Variants in SEMA5B observed in about 807,000 individuals in gnomAD.
SEMA5B encodes the protein semaphorin 5B.
A neutral mutation model predicts 135.0 loss-of-function variants in SEMA5B; 66 were observed. The observed-to-expected ratio is 0.49, with a 90% CI of 0.40 to 0.60. The LOEUF (loss-of-function observed/expected upper bound fraction) is 0.60. Ranked by LOEUF, SEMA5B falls within the 20% of genes least tolerant of loss-of-function variation. The probability of loss-of-function intolerance (pLI) is 0.00; values close to 1 mark genes in which losing one functional copy is unlikely to be tolerated. For synonymous variants in SEMA5B, 690 were observed against 639.5 expected (o/e 1.08, Z -1.19); for missense variants, 1,501 against 1,566.3 (o/e 0.96, Z 0.70).
At chr3:122,950,779 G>A (rs750501706) in intron 2 of SEMA5B, among the ~76,000 whole-genome samples, 2 of 152,186 alleles carry the variant, frequency 1.3e-5, no homozygotes, top group Non-Finnish European at 2.9e-5. Flanking sequence ...AGTGACTTAC[G>A]AATGAGATTG....
At chr3:122,996,583 G>C (rs1054247937) in intron 1 of SEMA5B, among the ~76,000 whole-genome samples, 1 of 152,204 alleles carries the variant, frequency 6.6e-6, no homozygotes, top group Admixed American at 6.5e-5. Flanking sequence ...GTCTTGGTTT[G>C]GGGCTTTCCA....
At chr3:122,933,667 T>A (rs919749600) in intron 5 of SEMA5B, among the ~76,000 whole-genome samples, 3 of 152,162 alleles carry the variant, frequency 2.0e-5, no homozygotes, top group Non-Finnish European at 4.4e-5. Context: ...TTGGAACTCT[T>A]AATATTCCAA....
chr3:122,994,426 A>G (rs767636625), intron 1 of SEMA5B, among the ~76,000 whole-genome samples: 4 of 152,208 alleles, frequency 2.6e-5, no homozygotes, highest in Admixed American at 6.5e-5. Flanking sequence ...CAACGAGTAC[A>G]AAAGTGATTA....
chr3:122,960,885 G>T (rs1940542094), intron 2 of SEMA5B, among the ~76,000 whole-genome samples: 1 of 152,316 alleles, frequency 6.6e-6, no homozygotes, highest in South Asian at 2.1e-4. Context: ...TTCTGGAGAT[G>T]GAGGGTGGTG....
Position 122,997,379 on chromosome 3 carries a change from A to G in SEMA5B, c.-39+30085T>C, listed in dbSNP as rs150314108. ...CCTATCCTTCTTGCATCTCCTCTCAATCCCTCCTCTGCCCCTCTCCAGAAG... is the reference window on the plus strand; with the variant it reads ...CCTATCCTTCTTGCATCTCCTCTCAGTCCCTCCTCTGCCCCTCTCCAGAAG... On this transcript the variant is annotated intron_variant, in intron 1 of 22. Coordinates refer to ENST00000357599, the MANE Select transcript of SEMA5B (RefSeq NM_001031702.4). 6.8e-4 allele frequency among the ~76,000 whole-genome samples: 103 copies of G among 151,094 alleles called. No individual in the cohort carries two copies. The East Asian group carries it at 0.02, about 29-fold the overall frequency.
In SEMA5B at chr3:122,910,161, C is replaced by T. The variant is rs1937617286; in HGVS notation, c.3438G>A (p.Arg1146=). Residue 1146 remains arginine, a synonymous_variant, in exon 23 of 23, where the codon CGG becomes CGA. Coordinates refer to ENST00000357599, the MANE Select transcript of SEMA5B (RefSeq NM_001031702.4). ...GGCGGTATCAGCTGTTGGGGAAGCA[C>T]CGTTGTCCAGGTGAGGCCTCGGGCC... ...SFRPEASPGQ[R]CFPNS 5.6e-6 allele frequency: 9 copies of T among 1,614,150 alleles called. No individual in the cohort carries two copies. The Admixed American group carries it at 1.0e-4, about 18-fold the overall frequency.
rs111407084 is a variant in SEMA5B at position 122,961,464 on chromosome 3, CT to C, written c.-38-164del. Among the ~76,000 whole-genome samples the C allele has an allele frequency of 7.4e-3, 1,070 of 144,762 alleles. 6 individuals are homozygous for C. Among genetic ancestry groups the C allele is most frequent in the Middle Eastern group, 0.022 (6 of 276 alleles). 95.0% of individuals were successfully genotyped at this position (144,762 alleles called of 152,430 possible). ...CACCACAGTAATGGCTTGAAACAAA[CT>C]TTTTTTTTTTTTTAGGCGGGGTCTT... On this transcript the variant is annotated intron_variant, in intron 1 of 22. Coordinates refer to ENST00000357599, the MANE Select transcript of SEMA5B (RefSeq NM_001031702.4).
At chr3:123,008,337 G>C (rs2107784135) in intron 1 of SEMA5B, among the ~76,000 whole-genome samples, 1 of 152,270 alleles carries the variant, frequency 6.6e-6, no homozygotes, top group South Asian at 2.1e-4. Context: ...AACTCCATGG[G>C]GACAGGGTTC....
intron 1 of SEMA5B, among the ~76,000 whole-genome samples, chr3:122,989,370 C>T (rs143436383): frequency 2.1e-4 from 32 of 152,296 alleles, no homozygotes; most frequent in African/African-American, 7.2e-4. Flanking sequence ...GTCCCAAGTG[C>T]AGAGCTGCAC....
intron 2 of SEMA5B, among the ~76,000 whole-genome samples, 159 bp downstream of exon 2, chr3:122,960,980 TA>T (rs1430730087): frequency 6.6e-6 from 1 of 152,172 alleles, no homozygotes; most frequent in African/African-American, 2.4e-5. Flanking sequence ...ATGTTATATA[TA>T]TGTTACCACA....
In SEMA5B at chr3:122,922,100, C is replaced by A; in HGVS notation, c.1503G>T (p.Ala501=). ...GGAGGCTGCGGCTCGCCGTGGACAG[C>A]GCCTTCAGGATGGTGCCCGACTCTG... ...IGTESGTILK[A]LSTASRSLHG... is the part of the protein sequence containing the mutation. The change falls in exon 12 of 23, where the codon GCG becomes GCT. Residue 501 remains alanine (A), a synonymous_variant. Transcript: ENST00000357599. 6.7e-7 allele frequency: 1 copy of A among 1,497,628 alleles called. No individual in the cohort carries two copies. 92.8% of individuals were successfully genotyped at this position (1,497,628 alleles called of 1,614,324 possible).
In SEMA5B at chr3:122,911,620, C is replaced by T. The variant is rs181866943; in HGVS notation, c.3047-85G>A. On this transcript the variant is annotated intron_variant, in intron 20 of 22. Coordinates refer to ENST00000357599, the MANE Select transcript of SEMA5B (RefSeq NM_001031702.4). Reference sequence around the variant, plus strand: ...AGGGTAGGCGTAAGCCTGGGAGGACCTCTAGGTCAACGCTCAGACGTAGGA... The same window carrying T: ...AGGGTAGGCGTAAGCCTGGGAGGACTTCTAGGTCAACGCTCAGACGTAGGA... The T allele has an allele frequency of 6.1e-4, 853 of 1,397,342 alleles. 1 individual carries two copies. The highest frequency in any genetic ancestry group is 7.6e-4 in the Admixed American group (36 of 47,380). 86.6% of individuals were successfully genotyped at this position (1,397,342 alleles called of 1,614,324 possible).
chr3:122,912,499 C>A (rs1043237086), intron 18 of SEMA5B, among the ~76,000 whole-genome samples, 157 bp from the exon 19 acceptor site: 1 of 152,142 alleles, frequency 6.6e-6, no homozygotes, highest in Non-Finnish European at 1.5e-5. Flanking sequence ...TTAGGGAGTG[C>A]CCCCACTCCA....
At chr3:122,936,249 C>G (rs1316448092) in intron 5 of SEMA5B, among the ~76,000 whole-genome samples, 2 of 152,206 alleles carry the variant, frequency 1.3e-5, no homozygotes, top group Admixed American at 6.5e-5. Flanking sequence ...AAGCAGGCGA[C>G]ACCCAGGGAC....
In SEMA5B at chr3:122,961,297, A is replaced by G. The variant is rs201912246; in HGVS notation, c.-34T>C. 9.2e-5 allele frequency: 149 copies of G among 1,613,048 alleles called. 1 individual carries two copies. The highest frequency in any genetic ancestry group is 7.8e-4 in the South Asian group (71 of 90,930). On this transcript the variant is annotated 5_prime_UTR_variant, in exon 2 of 23. Coordinates refer to ENST00000357599, the MANE Select transcript of SEMA5B (RefSeq NM_001031702.4). Reference sequence around the variant, plus strand: ...CACAGGCCAGGCACCAGCTGGAACCACTCACTGAAGGGGGAGAATTTTGGG... The same window carrying G: ...CACAGGCCAGGCACCAGCTGGAACCGCTCACTGAAGGGGGAGAATTTTGGG...
chr3:122,988,129 A>G (rs1941757844), intron 1 of SEMA5B, among the ~76,000 whole-genome samples: 1 of 152,032 alleles, frequency 6.6e-6, no homozygotes, highest in Non-Finnish European at 1.5e-5. Flanking sequence ...CTGGGGTGAG[A>G]CTCGAGAATC....
chr3:122,951,707 C>T (rs1467507147), intron 2 of SEMA5B, among the ~76,000 whole-genome samples: 1 of 152,224 alleles, frequency 6.6e-6, no homozygotes, highest in African/African-American at 2.4e-5. Context: ...GAATCATCCC[C>T]CTGAGGGGGC....
intron 1 of SEMA5B, among the ~76,000 whole-genome samples, chr3:122,971,624 AT>A (rs1265918657): frequency 6.6e-6 from 1 of 152,272 alleles, no homozygotes; most frequent in Non-Finnish European, 1.5e-5. Flanking sequence ...TGTCTATTGA[AT>A]GAATGAAAGT....
Position 122,913,295 on chromosome 3 carries a change from C to A in SEMA5B, c.2410G>T (p.Ala804Ser). Residue 804 changes from alanine (A) to serine (S), a missense_variant, in exon 17 of 23, where the codon GCG becomes TCG. By Grantham distance (99) the Ala-to-Ser change is moderately conservative (BLOSUM62 1). Coordinates refer to ENST00000357599, the MANE Select transcript of SEMA5B (RefSeq NM_001031702.4). ...QEQRFRFTCR[A>S]PLADPHGLQF... The stretch of plus-strand genomic sequence containing the variant: ...AGGCCGTGCGGGTCTGCAAGGGGCG[C>A]GCGGCAGGTGAAGCGGAACCGCTGC... 6.3e-7 allele frequency: 1 copy of A among 1,580,866 alleles called. No individual in the cohort carries two copies.
Sources: gnomAD v4.1 joint callset for allele counts (sites outside exome capture counted in the v4.1 genomes callset) on GRCh38, gnomAD v4.1.1 for gene constraint, MANE v1.5 for transcripts, NCBI Gene and HGNC (gene_info 2026-07-23, HGNC 2026-07-21) for gene names.